SLC35F3: variants seen among roughly 807,000 people sequenced by gnomAD.
SLC35F3 encodes the protein solute carrier family 35 member F3, also known as putative thiamine transporter SLC35F3.
Under a neutral mutation model 49.9 loss-of-function variants are expected in SLC35F3, and 25 were observed. That is an observed-to-expected ratio of 0.50 (90% CI 0.37 to 0.70). The LOEUF (loss-of-function observed/expected upper bound fraction) is 0.70. Ranked by LOEUF, SLC35F3 falls within the 30% of genes least tolerant of loss-of-function variation. SLC35F3 has a pLI of 0.00. For synonymous variants in SLC35F3, 275 were observed against 265.4 expected, an observed-to-expected ratio of 1.04 and a Z score of -0.35; for missense variants, 525 against 639.8, an observed-to-expected ratio of 0.82 and a Z score of 1.94.
At chr1:234,126,120 A>T (rs924200710) in intron 2 of SLC35F3, among the ~76,000 whole-genome samples, 1 of 152,194 alleles carries the variant, frequency 6.6e-6, no homozygotes, top group Admixed American at 6.5e-5. Context: ...TCCATTCTTT[A>T]TGCTCAATAA....
chr1:234,246,742 G>A (rs1228814931), intron 3 of SLC35F3, among the ~76,000 whole-genome samples: 2 of 152,188 alleles, frequency 1.3e-5, no homozygotes, highest in South Asian at 2.1e-4. Flanking sequence ...AAAACCACAC[G>A]TAAAACAGAA....
At chr1:234,305,263 A>G (rs1313795379) in intron 3 of SLC35F3, among the ~76,000 whole-genome samples, 1 of 152,214 alleles carries the variant, frequency 6.6e-6, no homozygotes, top group African/African-American at 2.4e-5. Flanking sequence ...TAAGAACATA[A>G]GTATGTAAGT....
intron 2 of SLC35F3, among the ~76,000 whole-genome samples, chr1:233,923,178 T>G (rs188196275): frequency 2.8e-4 from 42 of 152,342 alleles, no homozygotes; most frequent in African/African-American, 9.4e-4. Flanking sequence ...TTTCCAATTC[T>G]GTGAAGAAAG....
At chr1:234,023,877 T>C (rs1381690496) in intron 2 of SLC35F3, among the ~76,000 whole-genome samples, 1 of 150,066 alleles carries the variant, frequency 6.7e-6, no homozygotes, top group Non-Finnish European at 1.5e-5. Flanking sequence ...TCCTGACCAA[T>C]ACTTCTCAAC....
At chr1:234,143,821 A>G (rs1456890316) in intron 2 of SLC35F3, among the ~76,000 whole-genome samples, 1 of 152,224 alleles carries the variant, frequency 6.6e-6, no homozygotes, top group Non-Finnish European at 1.5e-5. Flanking sequence ...GTTGCAATGA[A>G]CATGGGGGTT....
chr1:233,979,648 A>T (rs1274782851), intron 2 of SLC35F3, among the ~76,000 whole-genome samples: 3 of 152,046 alleles, frequency 2.0e-5, no homozygotes, highest in Non-Finnish European at 4.4e-5. Context: ...GCACTGTTTT[A>T]AAAAAAACTT....
intron 2 of SLC35F3, among the ~76,000 whole-genome samples, chr1:234,077,078 C>G (rs969531109): frequency 1.1e-4 from 17 of 148,286 alleles, no homozygotes; most frequent in Non-Finnish European, 3.0e-5. Flanking sequence ...AATCTCGGCT[C>G]ACTGCAAGCT....
At chr1:234,133,538 G>A (rs752557973) in intron 2 of SLC35F3, among the ~76,000 whole-genome samples, 7 of 152,114 alleles carry the variant, frequency 4.6e-5, no homozygotes, top group Admixed American at 6.5e-5. Context: ...GGTTAGTGCT[G>A]GCATCACCAC....
chr1:234,190,102 A>C (rs1024645564), intron 2 of SLC35F3, among the ~76,000 whole-genome samples: 1 of 152,216 alleles, frequency 6.6e-6, no homozygotes, highest in South Asian at 2.1e-4. Context: ...AAACACACCA[A>C]AACAGAACCT....
intron 2 of SLC35F3, among the ~76,000 whole-genome samples, chr1:233,969,144 C>T (rs1272283459): frequency 1.3e-5 from 2 of 152,004 alleles, no homozygotes; most frequent in Admixed American, 6.5e-5. Context: ...CCTAATTTTT[C>T]CTCCTTTTTT....
intron 2 of SLC35F3, among the ~76,000 whole-genome samples, chr1:233,985,340 C>T (rs1663250116): frequency 6.6e-6 from 1 of 152,192 alleles, no homozygotes; most frequent in African/African-American, 2.4e-5. Context: ...GTGCTCCATG[C>T]AGAGTCTTTT....
chr1:233,944,798 A>G (rs1571990224), intron 2 of SLC35F3, among the ~76,000 whole-genome samples: 1 of 152,208 alleles, frequency 6.6e-6, no homozygotes, highest in African/African-American at 2.4e-5. Context: ...GTACAAGTCT[A>G]TTGCCAAGAA....
intron 2 of SLC35F3, among the ~76,000 whole-genome samples, chr1:234,067,478 C>T (rs1664638920): frequency 6.6e-6 from 1 of 152,212 alleles, no homozygotes; most frequent in African/African-American, 2.4e-5. Context: ...CTTATGTCCG[C>T]ATCCGTGAGT....
chr1:234,028,617 A>G (rs2102846868), intron 2 of SLC35F3, among the ~76,000 whole-genome samples: 1 of 152,344 alleles, frequency 6.6e-6, no homozygotes, highest in East Asian at 1.9e-4. Flanking sequence ...TAAGAAAAGA[A>G]AGTCGTAAGA....
chr1:233,973,604 G>A (rs1451820517), intron 2 of SLC35F3, among the ~76,000 whole-genome samples: 6 of 152,218 alleles, frequency 3.9e-5, no homozygotes, highest in Non-Finnish European at 8.8e-5. Flanking sequence ...ATGAGAGGCT[G>A]AAGTCTGTAG....
At chr1:234,176,721 A>G (rs1372994918) in intron 2 of SLC35F3, among the ~76,000 whole-genome samples, 2 of 152,168 alleles carry the variant, frequency 1.3e-5, no homozygotes, top group East Asian at 1.9e-4. Context: ...AAAAAATGCA[A>G]GTCCCTGGGT....
chr1:234,308,505 G>A (rs1442719104), intron 3 of SLC35F3, among the ~76,000 whole-genome samples: 2 of 152,016 alleles, frequency 1.3e-5, no homozygotes, highest in African/African-American at 2.4e-5. Context: ...TGTTAGTGTA[G>A]TTTGTATGTG....
intron 2 of SLC35F3, among the ~76,000 whole-genome samples, chr1:233,939,380 A>G (rs1484255496): frequency 6.6e-6 from 1 of 152,150 alleles, no homozygotes; most frequent in Non-Finnish European, 1.5e-5. Flanking sequence ...ACTTGAGCCC[A>G]GGAGATTGAG....
chr1:233,933,353 CT>C (rs902177991), intron 2 of SLC35F3, among the ~76,000 whole-genome samples: 1 of 151,100 alleles, frequency 6.6e-6, no homozygotes, highest in Non-Finnish European at 1.5e-5. Context: ...TATTTTTTAA[CT>C]TTTTTTTTCT....
Sources: allele counts gnomAD v4.1 joint callset (sites outside exome capture counted in the v4.1 genomes callset), GRCh38; gene constraint gnomAD v4.1.1; transcripts MANE v1.5; gene names NCBI Gene and HGNC (gene_info 2026-07-23, HGNC 2026-07-21).